The following SMCO2 variants were observed in gnomAD, a reference collection of about 807,000 sequenced individuals.
SMCO2 encodes the protein single-pass membrane and coiled-coil domain-containing protein 2.
In SMCO2, 25 loss-of-function variants were observed where a neutral mutation model predicts 29.5. The ratio of observed to expected loss-of-function variants is 0.85; its 90% CI spans 0.62 to 1.18. The LOEUF (loss-of-function observed/expected upper bound fraction) is 1.18, where lower values mean the gene tolerates loss of function less well. Among genes scored for constraint, SMCO2 ranks in the 50% most tolerant of loss-of-function variants. The pLI is 0.00. For missense variants in SMCO2, 348 were observed against 344.5 expected, an observed-to-expected ratio of 1.01 and a Z score of -0.08; for synonymous variants, 117 against 123.3, an observed-to-expected ratio of 0.95 and a Z score of 0.34.
the SMCO2 span, among the ~76,000 whole-genome samples, chr12:27,435,680 G>C: frequency 6.6e-6 from 1 of 151,514 alleles, no homozygotes; most frequent in Non-Finnish European, 1.5e-5. Context: ...CAACCTCCTG[G>C]CCCCATTATC....
Position 27,470,038 on chromosome 12 carries a change from G to A in SMCO2, c.-10-584G>A, listed in dbSNP as rs183147357. ...GTATTTAACTAATTAGACATACACT[G>A]AAAATTACTAAACAAAGATAATCAT... On this transcript the variant is annotated intron_variant, in intron 1 of 7. Coordinates refer to ENST00000298876, the Ensembl canonical transcript of SMCO2. Among the ~76,000 whole-genome samples the A allele has an allele frequency of 4.0e-3, 615 of 152,278 alleles. 3 individuals are homozygous for A. The highest frequency in any genetic ancestry group is 0.014 in the African/African-American group (584 of 41,564).
At chr12:27,475,879 TA>T (rs1949582191) in intron 4 of SMCO2, 148 bp downstream of exon 5, 2 of 900,660 alleles carry the variant, frequency 2.2e-6, no homozygotes, top group Admixed American at 7.9e-5. Flanking sequence ...TTTGCTCATT[TA>T]AAAAATTGGG....
the SMCO2 span, among the ~76,000 whole-genome samples, chr12:27,427,096 A>G: frequency 6.6e-6 from 1 of 152,176 alleles, no homozygotes; most frequent in African/African-American, 2.4e-5. Context: ...GATAGCTGCT[A>G]CTTTAAAGGG....
At chr12:27,423,404 A>G in the SMCO2 span, 5 of 135,258 alleles carry the variant, frequency 3.7e-5, no homozygotes, top group African/African-American at 1.4e-4. Flanking sequence ...ATCTTGGCTC[A>G]CTGCCATCTC....
the SMCO2 span, among the ~76,000 whole-genome samples, chr12:27,434,603 AG>A: frequency 6.6e-6 from 1 of 152,228 alleles, no homozygotes; most frequent in African/African-American, 2.4e-5. Flanking sequence ...CAACTGAAAA[AG>A]ATCCATTCTT....
the SMCO2 span, among the ~76,000 whole-genome samples, chr12:27,425,828 C>T: frequency 6.6e-5 from 10 of 152,122 alleles, no homozygotes; most frequent in Admixed American, 5.9e-4. Flanking sequence ...TTCTATTGTC[C>T]CTTCTGCAGA....
At position 27,472,682 on chromosome 12, in the gene SMCO2, T is replaced by G. The variant is rs1274892070; in HGVS notation, c.135-94T>G. ...AGATGCTCCCTGGGACTGGGGAAGA[T>G]CTCAGTGTTCTCCCTTTAGAAAGGA... On this transcript the variant is annotated intron_variant, in intron 2 of 7. Transcript: ENST00000298876. The G allele has an allele frequency of 4.0e-5, 34 of 855,850 alleles. 2 individuals are homozygous for G. In the South Asian group the frequency reaches 5.0e-4, roughly 13 times the overall value. 53.0% of individuals were successfully genotyped at this position (855,850 alleles called of 1,614,324 possible).
At chr12:27,448,107 C>A in the SMCO2 span, among the ~76,000 whole-genome samples, 3 of 152,248 alleles carry the variant, frequency 2.0e-5, no homozygotes, top group South Asian at 6.2e-4. Context: ...TTTTTAGAAA[C>A]AAGTAGAGAA....
chr12:27,496,005 T>A (rs1416641106), intron 7 of SMCO2, 150 bp downstream of exon 8: 2 of 817,030 alleles, frequency 2.4e-6, no homozygotes, highest in Non-Finnish European at 1.7e-6. Context: ...TCATTGGAGT[T>A]CATTGGAGTC....
At chr12:27,431,629 T>A in the SMCO2 span, among the ~76,000 whole-genome samples, 3 of 152,142 alleles carry the variant, frequency 2.0e-5, no homozygotes, top group Non-Finnish European at 2.9e-5. Context: ...GATCACATTT[T>A]AAAAAAATCC....
chr12:27,435,473 C>G, the SMCO2 span, among the ~76,000 whole-genome samples: 2 of 151,166 alleles, frequency 1.3e-5, no homozygotes, highest in South Asian at 4.2e-4. Context: ...CCTGTTTGTT[C>G]TTTATCTTCA....
At chr12:27,445,209 A>G in the SMCO2 span, among the ~76,000 whole-genome samples, 139 of 152,318 alleles carry the variant, frequency 9.1e-4, 1 homozygote, top group African/African-American at 3.3e-3. Flanking sequence ...GAATAAAGGC[A>G]AAACAAAGAA....
At chr12:27,501,429 A>C (rs1449372787) in intron 7 of SMCO2, among the ~76,000 whole-genome samples, 1 of 147,694 alleles carries the variant, frequency 6.8e-6, no homozygotes, top group East Asian at 2.0e-4. Flanking sequence ...AAAAAAAAAA[A>C]AAAAAAAACA....
chr12:27,473,373 T>A (rs1404501932), intron 3 of SMCO2, among the ~76,000 whole-genome samples: 3 of 152,110 alleles, frequency 2.0e-5, no homozygotes, highest in African/African-American at 7.2e-5. Context: ...CCTCACATGG[T>A]CTTCTCTTTG....
the SMCO2 span, among the ~76,000 whole-genome samples, chr12:27,432,402 C>T: frequency 6.6e-6 from 1 of 152,104 alleles, no homozygotes; most frequent in East Asian, 1.9e-4. Context: ...CCATGAAATA[C>T]ATTTTGAAAA....
the SMCO2 span, among the ~76,000 whole-genome samples, chr12:27,437,833 C>T: frequency 6.6e-6 from 1 of 152,190 alleles, no homozygotes; most frequent in Non-Finnish European, 1.5e-5. Context: ...TCTGATTTCC[C>T]CTCAACACCT....
At chr12:27,474,353 A>AT (rs1320409673) in intron 3 of SMCO2, among the ~76,000 whole-genome samples, 2 of 152,134 alleles carry the variant, frequency 1.3e-5, no homozygotes, top group African/African-American at 2.4e-5. Context: ...TTACAGCCAT[A>AT]TTTTTTAAAC....
rs1437115071 is a variant in SMCO2, at chr12:27,474,897, A to G, written c.346A>G (p.Lys116Glu). 29 of 1,551,108 alleles carry G rather than the reference A, an allele frequency of 1.9e-5. No individual in the cohort carries two copies. The highest frequency in any genetic ancestry group is 2.5e-5 in the Non-Finnish European group (29 of 1,146,668). The change falls in exon 4 of 8, where the codon AAG becomes GAG. Residue 116 changes from lysine (K) to glutamate (E), a missense_variant. Lys to Glu is a moderately conservative substitution (Grantham distance 56). Transcript: ENST00000298876. ...GTCTACATCTCTGCAGTTTTCAAAGAAGAACCTCCTTGAACTGTAAGTCTT... is the reference window on the plus strand; with the variant it reads ...GTCTACATCTCTGCAGTTTTCAAAGGAGAACCTCCTTGAACTGTAAGTCTT...
the SMCO2 span, chr12:27,424,158 AT>A: frequency 6.6e-6 from 1 of 152,190 alleles, no homozygotes; most frequent in Admixed American, 6.5e-5. Flanking sequence ...CTCAGATTAT[AT>A]TTCTATTGGA....
Sources: allele counts gnomAD v4.1 joint callset (sites outside exome capture counted in the v4.1 genomes callset), GRCh38; gene constraint gnomAD v4.1.1; transcripts MANE v1.5; gene names NCBI Gene and HGNC (gene_info 2026-07-23, HGNC 2026-07-21).